DLGAP4: variants seen among roughly 807,000 people sequenced by gnomAD.
DLGAP4 encodes the protein disks large-associated protein 4.
In DLGAP4, 18 loss-of-function variants were observed where a neutral mutation model predicts 86.9. That is an observed-to-expected ratio of 0.21 (90% CI 0.14 to 0.31). The LOEUF (loss-of-function observed/expected upper bound fraction) is 0.31, where lower values mean the gene tolerates loss of function less well. Among genes scored for constraint, DLGAP4 ranks in the 10% least tolerant of loss-of-function variants. The pLI, the probability that DLGAP4 is intolerant of heterozygous loss-of-function variation, is 1.00. For synonymous variants in DLGAP4, 548 were observed against 574.3 expected, an observed-to-expected ratio of 0.95 and a Z score of 0.65; for missense variants, 1,085 against 1,362.6, an observed-to-expected ratio of 0.80 and a Z score of 3.21.
intron 7 of DLGAP4, among the ~76,000 whole-genome samples, chr20:36,474,545 T>C (rs2034823551): frequency 6.6e-6 from 1 of 152,234 alleles, no homozygotes; most frequent in African/African-American, 2.4e-5. Context: ...CCTGGAACTT[T>C]CTTGCCTTCC....
intron 7 of DLGAP4, chr20:36,492,811 A>C (rs960306541): frequency 1.3e-5 from 2 of 152,130 alleles, no homozygotes; most frequent in Non-Finnish European, 2.9e-5. Context: ...CCGTTTTCTG[A>C]TCTAGGGCAA....
rs562510099 is a variant in DLGAP4, at chr20:36,467,063, TCC to T, written c.1648+20134_1648+20135del. ...CTCTCTCTCTCTCTCTCTCTCTCTC[TCC>T]CCCCCCCTTCTCTCGGCCCTGCCTT... On this transcript the variant is annotated intron_variant, in intron 7 of 12. Coordinates refer to ENST00000339266, the MANE Select transcript of DLGAP4 (RefSeq NM_001365621.2). 8.6e-4 allele frequency among the ~76,000 whole-genome samples: 34 copies of T among 39,384 alleles called. 1 individual carries two copies. Among genetic ancestry groups the T allele is most frequent in the South Asian group, 5.0e-3 (7 of 1,396 alleles). 25.8% of individuals were successfully genotyped at this position (39,384 alleles called of 152,430 possible).
intron 1 of DLGAP4, among the ~76,000 whole-genome samples, chr20:36,365,262 C>T (rs1241534816): frequency 3.3e-5 from 5 of 152,228 alleles, no homozygotes; most frequent in Admixed American, 6.5e-5. Context: ...CACTTCTTTT[C>T]CTTCAGCTTT....
chr20:36,366,067 C>G (rs576378876), intron 1 of DLGAP4, among the ~76,000 whole-genome samples: 1 of 152,070 alleles, frequency 6.6e-6, no homozygotes, highest in Non-Finnish European at 1.5e-5. Flanking sequence ...AATAGAGGGG[C>G]CTTTTTCTTC....
At chr20:36,370,428 G>A (rs1212665750) in intron 2 of DLGAP4, among the ~76,000 whole-genome samples, 1 of 150,348 alleles carries the variant, frequency 6.7e-6, no homozygotes, top group Non-Finnish European at 1.5e-5. Flanking sequence ...AGAGGTTATG[G>A]TGAGCTGAGA....
chr20:36,390,679 A>G (rs1024960272), intron 2 of DLGAP4, among the ~76,000 whole-genome samples: 1 of 152,148 alleles, frequency 6.6e-6, no homozygotes, highest in African/African-American at 2.4e-5. Flanking sequence ...TGTTACTGCA[A>G]GAGGAGAACT....
chr20:36,440,149 A>G (rs907612036), intron 5 of DLGAP4, among the ~76,000 whole-genome samples: 1 of 152,138 alleles, frequency 6.6e-6, no homozygotes, highest in African/African-American at 2.4e-5. Flanking sequence ...TGGGTTCAGA[A>G]CCATGAGGAT....
rs1408865114 is a variant in DLGAP4 at position 36,436,912 on chromosome 20, C to T, written c.1241+562C>T. On this transcript the variant is annotated intron_variant, in intron 4 of 12. Transcript: ENST00000339266. Reference sequence around the variant, plus strand: ...CCCCACTTCGGGTGAGTCCCGCCCACTTGTGAGCCCTCCAGGGGAAAACCT... The same window carrying T: ...CCCCACTTCGGGTGAGTCCCGCCCATTTGTGAGCCCTCCAGGGGAAAACCT... Among the ~76,000 whole-genome samples, 3 of 152,200 alleles carry T rather than the reference C, an allele frequency of 2.0e-5. No individual in the cohort carries two copies. In the East Asian group the frequency reaches 5.8e-4, roughly 29 times the overall value.
rs1444605937 is a variant in DLGAP4, at chr20:36,500,796, C to T, written c.2512+185C>T. ...TCCATCCACCTATTTAACCAAACCT[C>T]TTTCCAGAAAGGGTTGCTGGTGATA... On this transcript the variant is annotated intron_variant, in intron 10 of 12. Transcript: ENST00000339266. This position sits in a 1 kb window ranked among gnomAD's most constrained non-coding sequence, Gnocchi z 4.6. 6.6e-6 allele frequency among the ~76,000 whole-genome samples: 1 copy of T among 152,176 alleles called. No homozygotes were observed.
At chr20:36,384,071 G>GAA (rs11484054) in intron 2 of DLGAP4, among the ~76,000 whole-genome samples, 4,280 of 149,904 alleles carry the variant, frequency 0.029, 85 homozygotes, top group Middle Eastern at 0.052. Context: ...TAACTAGCTA[G>GAA]AAAAAAAAAG....
chr20:36,321,230 A>G (rs2065164490), intron 1 of DLGAP4, among the ~76,000 whole-genome samples: 1 of 152,216 alleles, frequency 6.6e-6, no homozygotes, highest in African/African-American at 2.4e-5. Flanking sequence ...CCTGGAGACG[A>G]AACAGGCATT....
At chr20:36,425,434 C>A (rs762742447) in intron 2 of DLGAP4, among the ~76,000 whole-genome samples, 1 of 152,182 alleles carries the variant, frequency 6.6e-6, no homozygotes, top group Non-Finnish European at 1.5e-5. Context: ...GAAATAAGTT[C>A]TGGCAAGATC....
At chr20:36,476,808 A>G (rs2034962013) in intron 7 of DLGAP4, among the ~76,000 whole-genome samples, 1 of 148,612 alleles carries the variant, frequency 6.7e-6, no homozygotes, top group Non-Finnish European at 1.5e-5. Context: ...CCCAGGTTCA[A>G]GCAATCTCCC....
intron 1 of DLGAP4, among the ~76,000 whole-genome samples, chr20:36,353,390 C>A (rs546369410): frequency 6.6e-6 from 1 of 152,326 alleles, no homozygotes; most frequent in African/African-American, 2.4e-5. Flanking sequence ...AGCATCTGGG[C>A]TGGGCTGGGC....
intron 6 of DLGAP4, 51 bp from the exon 7 acceptor site, chr20:36,446,646 C>A (rs774688763): frequency 5.8e-6 from 9 of 1,548,346 alleles, no homozygotes; most frequent in Middle Eastern, 2.0e-4. Flanking sequence ...ACCGCTCCCC[C>A]CAGGATGGGC....
intron 7 of DLGAP4, among the ~76,000 whole-genome samples, chr20:36,459,582 T>G (rs1370636708): frequency 6.6e-6 from 1 of 152,200 alleles, no homozygotes; most frequent in Non-Finnish European, 1.5e-5. Context: ...CTCCCTATGT[T>G]GCCCAGGCTG....
Position 36,527,263 on chromosome 20 carries a change from A to C in DLGAP4, c.*232A>C. The C allele has an allele frequency of 2.2e-6, 1 of 454,888 alleles. No homozygotes were observed. The highest frequency in any genetic ancestry group is 3.9e-6 in the Non-Finnish European group (1 of 258,960). The allele number at this position is 454,888 out of a possible 1,614,324, so 28.2% of individuals were successfully genotyped here. On this transcript the variant is annotated 3_prime_UTR_variant, in exon 13 of 13. Transcript: ENST00000339266. ...AATCAACAAAAATCACGAAACTAGA[A>C]AACTTTTTTTTTCCTCTTGCTGGCC...
At chr20:36,340,272 G>A (rs1327337974) in intron 1 of DLGAP4, among the ~76,000 whole-genome samples, 1 of 152,108 alleles carries the variant, frequency 6.6e-6, no homozygotes, top group Non-Finnish European at 1.5e-5. Flanking sequence ...GGAACTTCTG[G>A]CTGTTCCGGA....
intron 2 of DLGAP4, among the ~76,000 whole-genome samples, chr20:36,421,814 G>T (rs2032837267): frequency 6.6e-6 from 1 of 152,136 alleles, no homozygotes; most frequent in African/African-American, 2.4e-5. Flanking sequence ...GACATCCAGG[G>T]CAAGATGTCA....
Sources: allele counts gnomAD v4.1 joint callset (sites outside exome capture counted in the v4.1 genomes callset), GRCh38; gene constraint gnomAD v4.1.1; non-coding constraint Gnocchi (gnomAD v3.1); transcripts MANE v1.5; gene names NCBI Gene and HGNC (gene_info 2026-07-23, HGNC 2026-07-21).